PTPRD: variants seen among roughly 807,000 people sequenced by gnomAD.
PTPRD encodes the protein receptor-type tyrosine-protein phosphatase delta.
PTPRD carries 34 observed loss-of-function variants against 214.5 expected under a neutral mutation model. The observed-to-expected ratio is 0.16, with a 90% CI of 0.12 to 0.21. The LOEUF is 0.21. PTPRD is among the 10% of genes least tolerant of loss of function. PTPRD has a pLI of 1.00. For synonymous variants in PTPRD, 1,128 were observed against 845.7 expected, an observed-to-expected ratio of 1.33 and a Z score of -5.79; for missense variants, 2,545 against 2,398.7, an observed-to-expected ratio of 1.06 and a Z score of -1.27.
chr9:8,968,146 G>C (rs981557614), intron 11 of PTPRD, among the ~76,000 whole-genome samples: 5 of 152,094 alleles, frequency 3.3e-5, no homozygotes, highest in Non-Finnish European at 5.9e-5. Context: ...TCTTAATCCA[G>C]TCTATCATTG....
intron 3 of PTPRD, among the ~76,000 whole-genome samples, chr9:10,259,379 T>G (rs2093542124): frequency 6.6e-6 from 1 of 152,194 alleles, no homozygotes; most frequent in Non-Finnish European, 1.5e-5. Flanking sequence ...CACCAATATG[T>G]GGTCATCATT....
At chr9:8,688,275 G>C (rs1032532461) in intron 12 of PTPRD, among the ~76,000 whole-genome samples, 1 of 152,076 alleles carries the variant, frequency 6.6e-6, no homozygotes, top group Admixed American at 6.6e-5. Flanking sequence ...GGTTCAAAAA[G>C]GAAAAATATA....
chr9:8,392,470 G>C (rs1265840896), intron 36 of PTPRD, among the ~76,000 whole-genome samples: 2 of 152,054 alleles, frequency 1.3e-5, no homozygotes, highest in Non-Finnish European at 2.9e-5. Context: ...AGGCTGCAGT[G>C]AGCCATAATT....
At chr9:9,096,419 T>C (rs1369463328) in intron 10 of PTPRD, among the ~76,000 whole-genome samples, 2 of 152,164 alleles carry the variant, frequency 1.3e-5, no homozygotes, top group Non-Finnish European at 2.9e-5. Flanking sequence ...GAATGCGACA[T>C]TTTGGTTAAA....
intron 3 of PTPRD, among the ~76,000 whole-genome samples, chr9:10,054,121 T>C (rs1199096506): frequency 6.6e-6 from 1 of 152,154 alleles, no homozygotes; most frequent in African/African-American, 2.4e-5. Context: ...TAAAAACTTG[T>C]CACCTGTCTA....
rs116516424 is a variant in PTPRD, at chr9:8,563,393, T to C, written c.353-34614A>G. ...GTATCTATACATATATACACACATA[T>C]GCATATACAGATGGTCTCCTACTTA... On this transcript the variant is annotated intron_variant, in intron 14 of 45. Transcript: ENST00000381196. Among the ~76,000 whole-genome samples the C allele has an allele frequency of 9.3e-3, 1,409 of 152,048 alleles. 27 individuals are homozygous for C. Among genetic ancestry groups the C allele is most frequent in the African/African-American group, 0.032 (1,331 of 41,458 alleles).
intron 6 of PTPRD, among the ~76,000 whole-genome samples, chr9:9,746,563 G>A (rs2098460066): frequency 6.6e-6 from 1 of 152,194 alleles, no homozygotes; most frequent in African/African-American, 2.4e-5. Flanking sequence ...CGTAAATATT[G>A]TGAGTCGATA....
chr9:9,273,771 A>C (rs1943887817), intron 9 of PTPRD, among the ~76,000 whole-genome samples: 1 of 151,306 alleles, frequency 6.6e-6, no homozygotes, highest in African/African-American at 2.4e-5. Context: ...AGGTGGAAGT[A>C]AGAGATTATA....
intron 14 of PTPRD, among the ~76,000 whole-genome samples, chr9:8,612,317 A>G (rs1393346694): frequency 6.6e-6 from 1 of 152,212 alleles, no homozygotes; most frequent in African/African-American, 2.4e-5. Flanking sequence ...TGGCCATATC[A>G]ATTCAAAAGC....
intron 37 of PTPRD, among the ~76,000 whole-genome samples, chr9:8,388,391 A>C (rs10977025): frequency 0.038 from 5,721 of 152,250 alleles, 348 homozygotes; most frequent in African/African-American, 0.13. Context: ...TTCTGTCTTG[A>C]ATGTCCCTAT....
At position 10,300,803 on chromosome 9, in the gene PTPRD, C is replaced by T. The variant is rs141248700; in HGVS notation, c.-545+40160G>A. On this transcript the variant is annotated intron_variant, in intron 3 of 45. Coordinates refer to ENST00000381196, the MANE Select transcript of PTPRD (RefSeq NM_002839.4). ...GATAAGACCCCCATCTCCCTGAGAC[C>T]GAGCACCTGGGGGAAGGGGCGGCTG... Among the ~76,000 whole-genome samples the T allele has an allele frequency of 1.9e-3, 286 of 152,166 alleles. 1 individual carries two copies. Among genetic ancestry groups the T allele is most frequent in the East Asian group, 3.3e-3 (17 of 5,148 alleles).
Position 8,691,488 on chromosome 9 carries a change from G to GA in PTPRD, c.64+42291dup, listed in dbSNP as rs58602125. ...GAGAGTAGCAGCAACATACAAAGGA[G>GA]AAAAAAAAAATGAACAAACCTCTCC... On this transcript the variant is annotated intron_variant, in intron 12 of 45. Transcript: ENST00000381196. Among the ~76,000 whole-genome samples the GA allele has an allele frequency of 3.9e-4, 58 of 149,192 alleles. No homozygotes were observed. The Middle Eastern group carries it at 0.014, about 35-fold the overall frequency.
At chr9:8,768,137 A>G (rs59234375) in intron 11 of PTPRD, among the ~76,000 whole-genome samples, 6,720 of 152,296 alleles carry the variant, frequency 0.044, 379 homozygotes, top group African/African-American at 0.13. Flanking sequence ...GCTCACATCT[A>G]TAATACCAAC....
intron 9 of PTPRD, among the ~76,000 whole-genome samples, chr9:9,306,606 A>T (rs903408831): frequency 7.5e-4 from 114 of 151,952 alleles, no homozygotes; most frequent in African/African-American, 2.4e-3. Flanking sequence ...TTTTCTTTAA[A>T]ATCATCAATA....
intron 12 of PTPRD, among the ~76,000 whole-genome samples, chr9:8,661,487 C>G (rs891700212): frequency 1.3e-5 from 2 of 151,796 alleles, no homozygotes; most frequent in Non-Finnish European, 2.9e-5. Flanking sequence ...TGTCTAGGAA[C>G]AATAAAAGTG....
At chr9:8,470,892 G>T (rs1431119769) in intron 31 of PTPRD, 103 bp downstream of exon 31, 1 of 987,756 alleles carries the variant, frequency 1.0e-6, no homozygotes, top group Admixed American at 1.7e-5. Context: ...GTATGGAGAA[G>T]CCAGCACCCA....
chr9:9,611,977 ATAT>A (rs1191692139), intron 7 of PTPRD, among the ~76,000 whole-genome samples: 1 of 152,126 alleles, frequency 6.6e-6, no homozygotes, highest in Non-Finnish European at 1.5e-5. Context: ...AATATATCAG[ATAT>A]TTTTTAGTGT....
intron 4 of PTPRD, among the ~76,000 whole-genome samples, chr9:9,960,250 G>A (rs2094263781): frequency 1.4e-5 from 2 of 148,134 alleles, no homozygotes; most frequent in South Asian, 2.1e-4. Flanking sequence ...GTGTGTCAAA[G>A]GAGCCCAGGA....
At chr9:8,620,595 C>T (rs1017755200) in intron 14 of PTPRD, among the ~76,000 whole-genome samples, 16 of 151,898 alleles carry the variant, frequency 1.1e-4, no homozygotes, top group Non-Finnish European at 2.2e-4. Flanking sequence ...TAACCAGGTA[C>T]AGTCCAGTTA....
Sources: allele counts gnomAD v4.1 joint callset (sites outside exome capture counted in the v4.1 genomes callset), GRCh38; gene constraint gnomAD v4.1.1; transcripts MANE v1.5; gene names NCBI Gene and HGNC (gene_info 2026-07-23, HGNC 2026-07-21).